Variants in FBXW8 observed in about 807,000 individuals in gnomAD.
FBXW8 encodes the protein F-box/WD repeat-containing protein 8.
Under a neutral mutation model 65.3 loss-of-function variants are expected in FBXW8, and 57 were observed. That is an observed-to-expected ratio of 0.87 (90% CI 0.71 to 1.09). The LOEUF (loss-of-function observed/expected upper bound fraction) is 1.09, where lower values mean the gene tolerates loss of function less well. Ranked by LOEUF, FBXW8 falls within the 50% of genes least tolerant of loss-of-function variation. The pLI, the probability that FBXW8 is intolerant of heterozygous loss-of-function variation, is 0.00. For synonymous variants in FBXW8, 308 were observed against 330.2 expected (o/e 0.93, Z 0.73); for missense variants, 777 against 814.8 (o/e 0.95, Z 0.57).
intron 1 of FBXW8, among the ~76,000 whole-genome samples, chr12:116,920,095 A>G (rs535350450): frequency 1.3e-5 from 2 of 152,218 alleles, no homozygotes; most frequent in Non-Finnish European, 2.9e-5. Flanking sequence ...TTTAAAGCTC[A>G]GCTTGAGTTC....
At chr12:116,923,712 TAA>T (rs1491285626) in intron 1 of FBXW8, among the ~76,000 whole-genome samples, 4 of 150,808 alleles carry the variant, frequency 2.7e-5, no homozygotes, top group Non-Finnish European at 1.5e-5. Flanking sequence ...TTTAATTAAT[TAA>T]TTAATTTATT....
chr12:116,969,310 G>T (rs1418928761), intron 5 of FBXW8, among the ~76,000 whole-genome samples: 2 of 152,118 alleles, frequency 1.3e-5, no homozygotes, highest in Admixed American at 1.3e-4. Flanking sequence ...TGCTGAGCTT[G>T]TTTCATTGGT....
chr12:116,991,546 C>T (rs1369862077), intron 7 of FBXW8, among the ~76,000 whole-genome samples: 1 of 152,200 alleles, frequency 6.6e-6, no homozygotes, highest in East Asian at 1.9e-4. Flanking sequence ...TGTGCTTCAG[C>T]CTGGTGGCAG....
chr12:116,925,356 G>A (rs1881239833), intron 1 of FBXW8, among the ~76,000 whole-genome samples: 1 of 152,144 alleles, frequency 6.6e-6, no homozygotes. Context: ...GGAATGAGTG[G>A]GACCGGAAGC....
chr12:117,011,042 A>G (rs1292908562), intron 8 of FBXW8, among the ~76,000 whole-genome samples: 1 of 152,052 alleles, frequency 6.6e-6, no homozygotes, highest in Non-Finnish European at 1.5e-5. Flanking sequence ...CCATCAGCAC[A>G]AAAGGATTAA....
At chr12:116,974,897 G>A (rs1884831473) in intron 5 of FBXW8, among the ~76,000 whole-genome samples, 1 of 152,172 alleles carries the variant, frequency 6.6e-6, no homozygotes, top group South Asian at 2.1e-4. Context: ...AAGTAAGGAT[G>A]TTTAAAATAA....
chr12:117,011,668 A>G (rs931857962), intron 8 of FBXW8, among the ~76,000 whole-genome samples: 1 of 152,094 alleles, frequency 6.6e-6, no homozygotes, highest in African/African-American at 2.4e-5. Context: ...CTCCTCTCCT[A>G]GGATCTCCAC....
intron 1 of FBXW8, among the ~76,000 whole-genome samples, chr12:116,925,493 ATTTC>A (rs1413668601): frequency 6.6e-6 from 1 of 152,120 alleles, no homozygotes; most frequent in African/African-American, 2.4e-5. Flanking sequence ...GAGTCTACAT[ATTTC>A]TTAAGATATG....
chr12:117,006,408 G>A (rs73203818), intron 7 of FBXW8, among the ~76,000 whole-genome samples: 2 of 152,226 alleles, frequency 1.3e-5, no homozygotes, highest in Non-Finnish European at 2.9e-5. Flanking sequence ...AGCTCACCCC[G>A]CCTCCCACCC....
At chr12:117,001,115 G>A (rs1275933878) in intron 7 of FBXW8, among the ~76,000 whole-genome samples, 1 of 152,188 alleles carries the variant, frequency 6.6e-6, no homozygotes, top group Non-Finnish European at 1.5e-5. Flanking sequence ...CATGTCCTGG[G>A]TATTACAAAG....
At chr12:116,984,352 G>T (rs536210913) in intron 5 of FBXW8, among the ~76,000 whole-genome samples, 1 of 152,170 alleles carries the variant, frequency 6.6e-6, no homozygotes, top group African/African-American at 2.4e-5. Flanking sequence ...CCTGGAGAAA[G>T]GGTGTGTGGC....
In FBXW8 at chr12:116,941,604, A is replaced by G. The variant is rs965133907; in HGVS notation, c.424-3760A>G. Reference sequence around the variant, plus strand: ...GCTTTTGGTTGAATAAGGTATTGTAATGATTATTTTTGGTATAGTTTGCTT... The same window carrying G: ...GCTTTTGGTTGAATAAGGTATTGTAGTGATTATTTTTGGTATAGTTTGCTT... On this transcript the variant is annotated intron_variant, in intron 2 of 10. Coordinates refer to ENST00000652555, the MANE Select transcript of FBXW8 (RefSeq NM_153348.3). Among the ~76,000 whole-genome samples the G allele has an allele frequency of 8.5e-5, 13 of 152,158 alleles. No homozygotes were observed. The South Asian group carries it at 1.4e-3, about 17-fold the overall frequency.
intron 8 of FBXW8, among the ~76,000 whole-genome samples, chr12:117,014,586 T>C (rs925224518): frequency 6.6e-6 from 1 of 152,240 alleles, no homozygotes. Flanking sequence ...CGAATGATTT[T>C]TGTTTTGTTT....
intron 9 of FBXW8, among the ~76,000 whole-genome samples, chr12:117,025,488 C>T (rs1334060205): frequency 6.6e-6 from 1 of 152,190 alleles, no homozygotes; most frequent in South Asian, 2.1e-4. Context: ...CTCTGAGCAG[C>T]GACATGGTCT....
chr12:116,988,517 T>A, intron 6 of FBXW8, 146 bp from the exon 7 acceptor site: 1 of 715,502 alleles, frequency 1.4e-6, no homozygotes. Flanking sequence ...TAAGAGCTGT[T>A]TGTGTTTCAT....
At chr12:116,969,313 T>A (rs1884511478) in intron 5 of FBXW8, among the ~76,000 whole-genome samples, 1 of 152,232 alleles carries the variant, frequency 6.6e-6, no homozygotes, top group African/African-American at 2.4e-5. Flanking sequence ...TGAGCTTGTT[T>A]CATTGGTCTG....
chr12:117,026,323 C>T (rs1374048282), intron 9 of FBXW8, among the ~76,000 whole-genome samples: 1 of 143,488 alleles, frequency 7.0e-6, no homozygotes, highest in Non-Finnish European at 1.5e-5. Flanking sequence ...GCCCTCCCTC[C>T]CCGGGTCTTT....
rs368424674 is a variant in FBXW8 at position 116,932,174 on chromosome 12, G to A, written c.423+4047G>A. On this transcript the variant is annotated intron_variant, in intron 2 of 10. Coordinates refer to ENST00000652555, the MANE Select transcript of FBXW8 (RefSeq NM_153348.3). ...TCTGTTGATTTTTCGTAAGTTAAAT[G>A]GGTGTATGATTGCTAACCATTTGGC... Among the ~76,000 whole-genome samples, 7 of 152,222 alleles carry A rather than the reference G, an allele frequency of 4.6e-5. No individual in the cohort carries two copies. The East Asian group carries it at 9.7e-4, about 21-fold the overall frequency.
chr12:117,018,028 G>A (rs867765568), intron 8 of FBXW8, among the ~76,000 whole-genome samples: 21 of 152,266 alleles, frequency 1.4e-4, no homozygotes, highest in Middle Eastern at 3.4e-3. Context: ...GTTATAATAA[G>A]TTATTCAGAG....
Sources: allele counts gnomAD v4.1 joint callset (sites outside exome capture counted in the v4.1 genomes callset), GRCh38; gene constraint gnomAD v4.1.1; transcripts MANE v1.5; gene names NCBI Gene and HGNC (gene_info 2026-07-23, HGNC 2026-07-21).